SIPA1L1: variants seen among roughly 807,000 people sequenced by gnomAD.
The protein encoded by SIPA1L1 is signal induced proliferation associated 1 like 1, also known as signal-induced proliferation-associated 1-like protein 1.
Under a neutral mutation model 162.7 loss-of-function variants are expected in SIPA1L1, and 26 were observed. The observed-to-expected ratio is 0.16, with a 90% confidence interval of 0.12 to 0.22. The LOEUF (loss-of-function observed/expected upper bound fraction) is 0.22, where lower values mean the gene tolerates loss of function less well. Among genes scored for constraint, SIPA1L1 ranks in the 10% least tolerant of loss-of-function variants. The pLI is 1.00. For missense variants in SIPA1L1, 1,874 were observed against 2,241.0 expected (o/e 0.84, Z 3.31); for synonymous variants, 829 against 837.4 (o/e 0.99, Z 0.17).
intron 4 of SIPA1L1, among the ~76,000 whole-genome samples, chr14:71,539,895 C>G (rs1311364775): frequency 6.6e-6 from 1 of 152,166 alleles, no homozygotes; most frequent in East Asian, 1.9e-4. Flanking sequence ...GAACTATTGT[C>G]TATATTGTCA....
chr14:71,580,890 TAAAA>T (rs916419865), intron 4 of SIPA1L1, among the ~76,000 whole-genome samples: 23 of 152,226 alleles, frequency 1.5e-4, no homozygotes, highest in African/African-American at 4.8e-4. Flanking sequence ...AAAATATAAA[TAAAA>T]AAACAGAAAT....
At chr14:71,714,224 C>T (rs567675540) in intron 17 of SIPA1L1, among the ~76,000 whole-genome samples, 1 of 152,230 alleles carries the variant, frequency 6.6e-6, no homozygotes, top group East Asian at 1.9e-4. Context: ...GTTATTTTAT[C>T]CAGAACCAGT....
intron 2 of SIPA1L1, among the ~76,000 whole-genome samples, chr14:71,382,971 G>A (rs563200900): frequency 6.6e-6 from 1 of 152,266 alleles, no homozygotes; most frequent in South Asian, 2.1e-4. Context: ...CCAATGAATA[G>A]AGGGAGTGAA....
At chr14:71,438,885 T>C (rs1298561368) in intron 2 of SIPA1L1, among the ~76,000 whole-genome samples, 1 of 152,190 alleles carries the variant, frequency 6.6e-6, no homozygotes, top group Non-Finnish European at 1.5e-5. Context: ...AGCCGTGGGC[T>C]GGTTACTATG....
chr14:71,343,328 T>G (rs1161424319), intron 2 of SIPA1L1, among the ~76,000 whole-genome samples: 1 of 152,212 alleles, frequency 6.6e-6, no homozygotes, highest in Admixed American at 6.5e-5. Flanking sequence ...TTGAGCTGTT[T>G]CATGTCAGGC....
chr14:71,330,580 A>C, intron 2 of SIPA1L1: 2 of 1,131,388 alleles, frequency 1.8e-6, no homozygotes, highest in Non-Finnish European at 2.7e-6. Context: ...TCAGATGTTA[A>C]ATCCCAACTG....
At chr14:71,552,935 A>G (rs1044654613) in intron 4 of SIPA1L1, among the ~76,000 whole-genome samples, 3 of 151,972 alleles carry the variant, frequency 2.0e-5, no homozygotes, top group Admixed American at 2.0e-4. Flanking sequence ...GGGTCAGATA[A>G]TTTTGTTGTG....
At chr14:71,535,468 A>G (rs540386208) in intron 4 of SIPA1L1, among the ~76,000 whole-genome samples, 5 of 152,324 alleles carry the variant, frequency 3.3e-5, no homozygotes, top group Admixed American at 6.5e-5. Context: ...GCTATATAGA[A>G]AGAGTAGAAT....
At chr14:71,713,330 G>A (rs971733781) in intron 17 of SIPA1L1, among the ~76,000 whole-genome samples, 2 of 152,168 alleles carry the variant, frequency 1.3e-5, no homozygotes, top group Non-Finnish European at 2.9e-5. Context: ...ATCAGTATTT[G>A]CACAGAGCTG....
chr14:71,691,664 G>T (rs1033369800), intron 13 of SIPA1L1, among the ~76,000 whole-genome samples: 14 of 152,028 alleles, frequency 9.2e-5, no homozygotes, highest in African/African-American at 3.4e-4. Context: ...CCATCCCTAG[G>T]CATGGGAGTG....
intron 14 of SIPA1L1, among the ~76,000 whole-genome samples, chr14:71,700,732 C>T (rs1335126306): frequency 1.3e-5 from 2 of 151,982 alleles, no homozygotes; most frequent in African/African-American, 4.8e-5. Flanking sequence ...CGGTGGCTGT[C>T]GCCTGTAATC....
chr14:71,371,179 T>G (rs2038854750), intron 2 of SIPA1L1, among the ~76,000 whole-genome samples: 1 of 152,154 alleles, frequency 6.6e-6, no homozygotes, highest in Non-Finnish European at 1.5e-5. Flanking sequence ...ATCCTGAGTA[T>G]TATTAGTGTG....
chr14:71,423,866 G>C (rs2043367716), intron 2 of SIPA1L1, among the ~76,000 whole-genome samples: 1 of 152,082 alleles, frequency 6.6e-6, no homozygotes, highest in Admixed American at 6.5e-5. Flanking sequence ...TTTTGATAGG[G>C]ATTGTATTAC....
Position 71,685,203 on chromosome 14 carries a change from A to G in SIPA1L1, c.3105-159A>G, listed in dbSNP as rs565011708. ...ATACTTCCTTGGGTTCTGGTTTTTG[A>G]AAAGAAAATAAGTACTAGGGCCCAA... On this transcript the variant is annotated intron_variant, in intron 12 of 23. Transcript: ENST00000381232. Among the ~76,000 whole-genome samples the G allele has an allele frequency of 1.1e-4, 17 of 152,288 alleles. No homozygotes were observed. In the South Asian group the frequency reaches 3.5e-3, roughly 32 times the overall value.
chr14:71,711,190 C>CT, intron 17 of SIPA1L1, among the ~76,000 whole-genome samples: 1 of 152,296 alleles, frequency 6.6e-6, no homozygotes, highest in South Asian at 2.1e-4. Context: ...TCTCAGTATT[C>CT]TTGAGTACTA....
At chr14:71,603,115 TCTTA>T (rs1184014219) in intron 5 of SIPA1L1, among the ~76,000 whole-genome samples, 1 of 152,248 alleles carries the variant, frequency 6.6e-6, no homozygotes, top group African/African-American at 2.4e-5. Context: ...CTTCATTGTC[TCTTA>T]CTTTGTTTGA....
intron 3 of SIPA1L1, among the ~76,000 whole-genome samples, chr14:71,514,548 ATT>A (rs1236036980): frequency 2.0e-5 from 3 of 152,068 alleles, no homozygotes; most frequent in Non-Finnish European, 4.4e-5. Context: ...CCTGCAACTT[ATT>A]GTTATTTTAG....
chr14:71,424,979 T>C (rs1359302487), intron 2 of SIPA1L1, among the ~76,000 whole-genome samples: 1 of 152,112 alleles, frequency 6.6e-6, no homozygotes, highest in Non-Finnish European at 1.5e-5. Context: ...CTTCATAATT[T>C]AATGTTGGTA....
intron 2 of SIPA1L1, among the ~76,000 whole-genome samples, chr14:71,484,766 G>A (rs544539612): frequency 6.6e-6 from 1 of 152,144 alleles, no homozygotes. Context: ...CTTATTGTTA[G>A]TTTGGCAACC....
Sources: gnomAD v4.1 joint callset for allele counts (sites outside exome capture counted in the v4.1 genomes callset) on GRCh38, gnomAD v4.1.1 for gene constraint, MANE v1.5 for transcripts, NCBI Gene and HGNC (gene_info 2026-07-23, HGNC 2026-07-21) for gene names.